The following THADA variants were observed in gnomAD, a reference collection of about 807,000 sequenced individuals.
THADA encodes the protein THADA armadillo repeat containing.
A neutral mutation model predicts 219.8 loss-of-function variants in THADA; 213 were observed. The observed-to-expected ratio is 0.97, with a 90% CI of 0.87 to 1.09. The LOEUF (loss-of-function observed/expected upper bound fraction) is 1.09. THADA is among the 50% of genes least tolerant of loss of function. THADA has a pLI of 0.00. For synonymous variants in THADA, 1,018 were observed against 828.9 expected, an observed-to-expected ratio of 1.23 and a Z score of -3.92; for missense variants, 2,956 against 2,311.3, an observed-to-expected ratio of 1.28 and a Z score of -5.72.
rs1433815264 is a variant in THADA at position 43,551,728 on chromosome 2, A to G, written c.2947+61T>C. On this transcript the variant is annotated intron_variant, in intron 19 of 37. Transcript: ENST00000405975. ...AAAGAAATACTTGGGGAAAAAAAAA[A>G]AGAGGTAAAGACATAATAATCAAAC... 4 of 1,439,268 alleles carry G rather than the reference A, an allele frequency of 2.8e-6. No homozygotes were observed. In the East Asian group the frequency reaches 9.8e-5, roughly 35 times the overall value. The allele number at this position is 1,439,268 out of a possible 1,614,324, so 89.2% of individuals were successfully genotyped here.
chr2:43,292,304 T>C (rs965251609), intron 32 of THADA, 82 bp from the exon 33 acceptor site: 7 of 890,674 alleles, frequency 7.9e-6, no homozygotes, highest in African/African-American at 6.9e-5. Context: ...TAATCAATTG[T>C]ATCAACAAGA....
Position 43,384,648 on chromosome 2 carries a change from C to T in THADA, c.4227+13323G>A, listed in dbSNP as rs554777478. ...TATTTCAATTTTCTCTCAATCTGAT[C>T]AATGCATACTTCTTTTCAGTATAAG... On this transcript the variant is annotated intron_variant, in intron 29 of 37. Coordinates refer to ENST00000405975, the MANE Select transcript of THADA (RefSeq NM_022065.5). Among the ~76,000 whole-genome samples, 11 of 152,240 alleles carry T rather than the reference C, an allele frequency of 7.2e-5. No individual in the cohort carries two copies. The South Asian group carries it at 2.1e-3, about 29-fold the overall frequency.
chr2:43,550,319 G>A (rs928277411), intron 19 of THADA, among the ~76,000 whole-genome samples: 16 of 152,050 alleles, frequency 1.1e-4, no homozygotes, highest in Admixed American at 6.6e-4. Context: ...ATACAAACAC[G>A]CAAATTACTA....
At chr2:43,267,994 G>T (rs914325299) in intron 36 of THADA, among the ~76,000 whole-genome samples, 21 of 152,302 alleles carry the variant, frequency 1.4e-4, no homozygotes, top group African/African-American at 5.1e-4. Flanking sequence ...TCAGCTGGAG[G>T]TGAGGAAGCA....
chr2:43,532,093 TAAG>T (rs1255079167), intron 21 of THADA, among the ~76,000 whole-genome samples: 3 of 150,194 alleles, frequency 2.0e-5, no homozygotes, highest in East Asian at 1.9e-4. Flanking sequence ...CACACTAAAA[TAAG>T]AAGAAATGAA....
At chr2:43,320,070 A>G (rs1225262686) in intron 31 of THADA, among the ~76,000 whole-genome samples, 1 of 152,222 alleles carries the variant, frequency 6.6e-6, no homozygotes, top group Non-Finnish European at 1.5e-5. Context: ...AATACCCAGC[A>G]TCAAATGAGC....
chr2:43,380,970 T>C (rs1312999850), intron 29 of THADA, among the ~76,000 whole-genome samples: 1 of 151,830 alleles, frequency 6.6e-6, no homozygotes, highest in East Asian at 1.9e-4. Flanking sequence ...TGGTGGCACA[T>C]GCCTATAGTC....
chr2:43,397,965 A>C lies in THADA; in HGVS notation c.4227+6T>G, dbSNP rs750230543. 13 of 1,613,724 alleles carry C rather than the reference A, an allele frequency of 8.1e-6. No homozygotes were observed. The highest frequency in any genetic ancestry group is 1.0e-5 in the Non-Finnish European group (12 of 1,179,686). Reference sequence around the variant, plus strand: ...GACAGAAGTCACACAAAGCAACTTTACTTACCTGGAGAAGTGTCCCATGAA... The same window carrying C: ...GACAGAAGTCACACAAAGCAACTTTCCTTACCTGGAGAAGTGTCCCATGAA... On this transcript the variant is annotated splice_donor_region_variant and intron_variant, in intron 29 of 37. Transcript: ENST00000405975.
At chr2:43,461,659 AC>A (rs1683657611) in intron 26 of THADA, among the ~76,000 whole-genome samples, 1 of 152,110 alleles carries the variant, frequency 6.6e-6, no homozygotes, top group Non-Finnish European at 1.5e-5. Flanking sequence ...TAATCTGCTA[AC>A]TCAGCAGTCC....
intron 28 of THADA, among the ~76,000 whole-genome samples, chr2:43,401,386 C>G (rs1370528757): frequency 6.6e-6 from 1 of 152,178 alleles, no homozygotes; most frequent in Non-Finnish European, 1.5e-5. Flanking sequence ...TCACGCCATT[C>G]TCCTGCCTCA....
intron 35 of THADA, among the ~76,000 whole-genome samples, chr2:43,282,356 T>C (rs1673461317): frequency 6.6e-6 from 1 of 152,162 alleles, no homozygotes; most frequent in South Asian, 2.1e-4. Flanking sequence ...GTTAAAACCA[T>C]ATTGAAGAAA....
rs780637216 is a variant in THADA, at chr2:43,586,415, G to C, written c.519C>G (p.Ile173Met). Residue 173 changes from isoleucine (I) to methionine (M), a missense_variant, in exon 7 of 38, where the codon ATC becomes ATG. Physicochemically the swap from Ile to Met is conservative, Grantham distance 10. Transcript: ENST00000405975. The part of the protein sequence containing the change: ...LHFLQKSLIE[I>M]LEENRKCAGN... The stretch of plus-strand genomic sequence containing the variant: ...ATAGCACTTGCCTATTTTCTTCCAG[G>C]ATTTCAATTAAACTCTTCTGCAGAA... The C allele has an allele frequency of 6.3e-7, 1 of 1,584,110 alleles. No homozygotes were observed. Among genetic ancestry groups the C allele is most frequent in the South Asian group, 1.2e-5 (1 of 84,840 alleles).
intron 29 of THADA, among the ~76,000 whole-genome samples, chr2:43,375,406 T>C (rs1281903298): frequency 6.6e-6 from 1 of 152,254 alleles, no homozygotes; most frequent in Non-Finnish European, 1.5e-5. Flanking sequence ...CAAGTAGGAA[T>C]GAAGTAAGTA....
At chr2:43,422,608 A>C (rs538417123) in intron 28 of THADA, among the ~76,000 whole-genome samples, 2 of 152,354 alleles carry the variant, frequency 1.3e-5, no homozygotes, top group African/African-American at 4.8e-5. Context: ...CTATGAAGCC[A>C]GATAGCCCTC....
At chr2:43,231,904 G>T (rs1018492321) in intron 37 of THADA, among the ~76,000 whole-genome samples, 3 of 152,194 alleles carry the variant, frequency 2.0e-5, no homozygotes, top group Admixed American at 6.5e-5. Flanking sequence ...AAGGCCAGCT[G>T]AGTCAGATGC....
At chr2:43,552,170 T>A in intron 18 of THADA, 34 bp downstream of exon 18, 2 of 1,589,222 alleles carry the variant, frequency 1.3e-6, no homozygotes, top group Non-Finnish European at 1.7e-6. Context: ...ATGAATGGAT[T>A]TCTGAGACAG....
chr2:43,498,743 T>C (rs1230344522), intron 25 of THADA, 90 bp downstream of exon 25: 8 of 1,326,886 alleles, frequency 6.0e-6, no homozygotes, highest in South Asian at 5.4e-5. Context: ...GGGCAGGAAA[T>C]ATTTTTTATC....
rs574888032 is a variant in THADA at position 43,535,694 on chromosome 2, A to G, written c.3264+5465T>C. ...GAGACTCAAAAAAAAAAAAAAAAAAAAAAAAAGAAAAAATCTTTTCCCAGA... is the reference window on the plus strand; with the variant it reads ...GAGACTCAAAAAAAAAAAAAAAAAAGAAAAAAGAAAAAATCTTTTCCCAGA... On this transcript the variant is annotated intron_variant, in intron 21 of 37. Coordinates refer to ENST00000405975, the MANE Select transcript of THADA (RefSeq NM_022065.5). Among the ~76,000 whole-genome samples, 461 of 151,472 alleles carry G rather than the reference A, an allele frequency of 3.0e-3. 2 individuals carry two copies. Among genetic ancestry groups the G allele is most frequent in the Middle Eastern group, 7.0e-3 (2 of 286 alleles).
rs375547611 is a variant in THADA, at chr2:43,555,633, T to A, written c.2674+712A>T. ...CCTCCATGGTACTGTCACCTCTCTATCTCCAGATCTCTGGCCATATTCCCA... is the reference window on the plus strand; with the variant it reads ...CCTCCATGGTACTGTCACCTCTCTAACTCCAGATCTCTGGCCATATTCCCA... On this transcript the variant is annotated intron_variant, in intron 17 of 37. Transcript: ENST00000405975. Among the ~76,000 whole-genome samples, 54 of 152,252 alleles carry A rather than the reference T, an allele frequency of 3.5e-4. No individual in the cohort carries two copies. The East Asian group carries it at 3.7e-3, about 10-fold the overall frequency.
Sources: allele counts gnomAD v4.1 joint callset (sites outside exome capture counted in the v4.1 genomes callset), GRCh38; gene constraint gnomAD v4.1.1; transcripts MANE v1.5; gene names NCBI Gene and HGNC (gene_info 2026-07-23, HGNC 2026-07-21).